Variants in PI4K2B observed in about 807,000 individuals in gnomAD.
PI4K2B encodes the protein phosphatidylinositol 4-kinase type 2 beta, also known as phosphatidylinositol 4-kinase type 2-beta.
In PI4K2B, 46 loss-of-function variants were observed where a neutral mutation model predicts 56.6. The observed-to-expected ratio is 0.81, with a 90% CI of 0.64 to 1.04. PI4K2B has a LOEUF of 1.04. Ranked by LOEUF, PI4K2B falls within the 50% of genes least tolerant of loss-of-function variation. PI4K2B has a pLI of 0.00. For missense variants in PI4K2B, 556 were observed against 607.7 expected, an observed-to-expected ratio of 0.91 and a Z score of 0.89; for synonymous variants, 211 against 223.8, an observed-to-expected ratio of 0.94 and a Z score of 0.51.
rs1460961066 is a variant in PI4K2B at position 25,268,577 on chromosome 4, G to A, written c.1212+1G>A. The A allele has an allele frequency of 3.2e-6, 5 of 1,552,044 alleles. No homozygotes were observed. The East Asian group carries it at 9.1e-5, about 28-fold the overall frequency. On this transcript the variant is annotated splice_donor_variant, in intron 8 of 9. Coordinates refer to ENST00000264864, the MANE Select transcript of PI4K2B (RefSeq NM_018323.4). LOFTEE classifies it high-confidence loss of function. ...TGAAGATCTCTATGAACTTTTTAAG[G>A]TAAGTTAATGCTTAGTTTGATTATT...
At chr4:25,253,038 T>A (rs1716126428) in intron 2 of PI4K2B, among the ~76,000 whole-genome samples, 1 of 152,374 alleles carries the variant, frequency 6.6e-6, no homozygotes, top group South Asian at 2.1e-4. Context: ...CACATTCAGC[T>A]GTAGCCTTTT....
chr4:25,255,362 G>A, intron 3 of PI4K2B, 97 bp downstream of exon 3: 5 of 1,075,250 alleles, frequency 4.7e-6, no homozygotes, highest in Middle Eastern at 2.2e-4. Flanking sequence ...AACCTAAAGT[G>A]GAGCCCCTTT....
intron 6 of PI4K2B, among the ~76,000 whole-genome samples, chr4:25,263,524 AATGGT>A (rs1454852532): frequency 6.6e-6 from 1 of 152,164 alleles, no homozygotes; most frequent in Non-Finnish European, 1.5e-5. Context: ...ATTACTGAGT[AATGGT>A]ATAATATGAA....
At chr4:25,261,808 G>C (rs1419375217) in intron 6 of PI4K2B, among the ~76,000 whole-genome samples, 2 of 152,124 alleles carry the variant, frequency 1.3e-5, no homozygotes, top group Non-Finnish European at 2.9e-5. Flanking sequence ...GGACTGCAGA[G>C]GGACACAAGG....
chr4:25,244,414 T>G (rs1228603822), intron 1 of PI4K2B, among the ~76,000 whole-genome samples: 4 of 152,188 alleles, frequency 2.6e-5, no homozygotes, highest in African/African-American at 9.7e-5. Context: ...TCTCCCTCAA[T>G]GAAAAGAAAG....
At position 25,242,811 on chromosome 4, in the gene PI4K2B, A is replaced by T. The variant is rs569158448; in HGVS notation, c.268+8380A>T. Among the ~76,000 whole-genome samples, 6 of 152,266 alleles carry T rather than the reference A, an allele frequency of 3.9e-5. No homozygotes were observed. The South Asian group carries it at 1.2e-3, about 32-fold the overall frequency. ...CTGGCTGGGCATTTTTTGCCCTTCG[A>T]AAGTGTCCTTCCAATGCCCAGACTT... On this transcript the variant is annotated intron_variant, in intron 1 of 9. Coordinates refer to ENST00000264864, the MANE Select transcript of PI4K2B (RefSeq NM_018323.4).
chr4:25,272,871 A>C (rs886421112), intron 9 of PI4K2B, among the ~76,000 whole-genome samples: 1 of 152,176 alleles, frequency 6.6e-6, no homozygotes, highest in Non-Finnish European at 1.5e-5. Flanking sequence ...TCTAAAAAAA[A>C]AAAAAAATTT....
chr4:25,267,028 A>G (rs1226761394), intron 7 of PI4K2B, among the ~76,000 whole-genome samples: 1 of 152,240 alleles, frequency 6.6e-6, no homozygotes, highest in Admixed American at 6.5e-5. Context: ...GTAGCTTACA[A>G]GACAGAAGGT....
chr4:25,245,076 C>T (rs1160812881), intron 1 of PI4K2B, among the ~76,000 whole-genome samples: 4 of 152,124 alleles, frequency 2.6e-5, no homozygotes, highest in Non-Finnish European at 5.9e-5. Context: ...ATTTCTGAGG[C>T]TCCCCATATC....
intron 7 of PI4K2B, among the ~76,000 whole-genome samples, chr4:25,266,178 G>A (rs181464789): frequency 6.6e-6 from 1 of 151,962 alleles, no homozygotes; most frequent in East Asian, 2.0e-4. Flanking sequence ...TTATGCATGT[G>A]TGAATGAATG....
At position 25,241,334 on chromosome 4, in the gene PI4K2B, G is replaced by A. The variant is rs1359740352; in HGVS notation, c.268+6903G>A. Among the ~76,000 whole-genome samples, 6 of 152,276 alleles carry A rather than the reference G, an allele frequency of 3.9e-5. No individual in the cohort carries two copies. The East Asian group carries it at 7.7e-4, about 20-fold the overall frequency. On this transcript the variant is annotated intron_variant, in intron 1 of 9. Coordinates refer to ENST00000264864, the MANE Select transcript of PI4K2B (RefSeq NM_018323.4). ...CTAACTATGGTGTAACCTGCCCTTC[G>A]TATCCCATTCTCCACAAATGAACTT...
Position 25,275,866 on chromosome 4 carries a change from G to C in PI4K2B, c.1273-1148G>C, listed in dbSNP as rs78955595. Among the ~76,000 whole-genome samples the C allele has an allele frequency of 7.5e-3, 1,137 of 152,170 alleles. 10 individuals carry two copies. The highest frequency in any genetic ancestry group is 0.026 in the African/African-American group (1,068 of 41,508). ...CACCTGTAATCTCAGCACTTTAAGA[G>C]GCCAAGGCAGGAGGATTGCATGAGC... On this transcript the variant is annotated intron_variant, in intron 9 of 9. Coordinates refer to ENST00000264864, the MANE Select transcript of PI4K2B (RefSeq NM_018323.4).
intron 3 of PI4K2B, 34 bp from the exon 4 acceptor site, chr4:25,256,509 A>T: frequency 6.3e-7 from 1 of 1,595,006 alleles, no homozygotes; most frequent in Non-Finnish European, 8.5e-7. Flanking sequence ...TATAATGCAA[A>T]TTCTAACCAT....
At chr4:25,255,024 T>A in intron 2 of PI4K2B, 41 bp from the exon 3 acceptor site, 1 of 1,286,800 alleles carries the variant, frequency 7.8e-7, no homozygotes, top group Non-Finnish European at 1.1e-6. Context: ...ATTATCTATA[T>A]ATGTAAAAAG....
At position 25,234,151 on chromosome 4, in the gene PI4K2B, GC is replaced by G; in HGVS notation, c.-12del. 7.4e-7 allele frequency: 1 copy of G among 1,349,892 alleles called. No individual in the cohort carries two copies. The highest frequency in any genetic ancestry group is 1.8e-5 in the South Asian group (1 of 54,058). 83.6% of individuals were successfully genotyped at this position (1,349,892 alleles called of 1,614,324 possible). On this transcript the variant is annotated 5_prime_UTR_variant, in exon 1 of 10. Coordinates refer to ENST00000264864, the MANE Select transcript of PI4K2B (RefSeq NM_018323.4). ...CTGATCTGGTCTCAGCGCGGAGGGA[GC>G]AGAGGGAGTCCATGGAGGATCCCTC...
intron 1 of PI4K2B, among the ~76,000 whole-genome samples, chr4:25,247,123 G>C (rs1034884852): frequency 6.6e-6 from 1 of 152,250 alleles, no homozygotes; most frequent in African/African-American, 2.4e-5. Context: ...CCTAGGCCAA[G>C]GAGGTGTGGT....
Position 25,246,145 on chromosome 4 carries a change from C to T in PI4K2B, c.269-6176C>T, listed in dbSNP as rs4053945. Among the ~76,000 whole-genome samples the T allele has an allele frequency of 2.7e-3, 405 of 152,020 alleles. 2 individuals carry two copies. The highest frequency in any genetic ancestry group is 9.3e-3 in the African/African-American group (387 of 41,432). On this transcript the variant is annotated intron_variant, in intron 1 of 9. Transcript: ENST00000264864. ...TACAGCTCAGAAAGGCAGTGTGGAC[C>T]CAAAGAGTGAGCAGCAGCAAGATTT...
intron 1 of PI4K2B, among the ~76,000 whole-genome samples, chr4:25,242,404 T>C (rs749310133): frequency 5.3e-5 from 8 of 152,232 alleles, no homozygotes; most frequent in Non-Finnish European, 1.0e-4. Flanking sequence ...TTGGGACTTG[T>C]GGTCTGTGGG....
chr4:25,254,645 C>T (rs1011052700), intron 2 of PI4K2B, among the ~76,000 whole-genome samples: 2 of 152,126 alleles, frequency 1.3e-5, no homozygotes. Flanking sequence ...GATCTCCTGA[C>T]CTCATGATCC....
Sources: allele counts gnomAD v4.1 joint callset (sites outside exome capture counted in the v4.1 genomes callset), GRCh38; gene constraint gnomAD v4.1.1; transcripts MANE v1.5; gene names NCBI Gene and HGNC (gene_info 2026-07-23, HGNC 2026-07-21).